NAALAD2: variants seen among roughly 807,000 people sequenced by gnomAD.
NAALAD2 encodes the protein N-acetylated-alpha-linked acidic dipeptidase 2.
In NAALAD2, 89 loss-of-function variants were observed where a neutral mutation model predicts 95.6. That is an observed-to-expected ratio of 0.93 (90% CI 0.78 to 1.11). The LOEUF (loss-of-function observed/expected upper bound fraction) is 1.11. Among genes scored for constraint, NAALAD2 ranks in the 50% least tolerant of loss-of-function variants. The pLI, the probability that NAALAD2 is intolerant of heterozygous loss-of-function variation, is 0.00. For synonymous variants in NAALAD2, 264 were observed against 294.4 expected, an observed-to-expected ratio of 0.90 and a Z score of 1.06; for missense variants, 894 against 872.4, an observed-to-expected ratio of 1.02 and a Z score of -0.31.
chr11:90,175,391 CATT>C (rs1952759670), intron 14 of NAALAD2, among the ~76,000 whole-genome samples: 1 of 151,982 alleles, frequency 6.6e-6, no homozygotes, highest in South Asian at 2.1e-4. Context: ...CATGACTTAC[CATT>C]ATTTTACTAA....
At position 90,162,988 on chromosome 11, in the gene NAALAD2, A is replaced by C. The variant is rs1952338854; in HGVS notation, c.1029A>C (p.Thr343=). The change falls in exon 9 of 19, where the codon ACA becomes ACC. Residue 343 remains threonine (T), a synonymous_variant. Coordinates refer to ENST00000534061, the MANE Select transcript of NAALAD2 (RefSeq NM_005467.4). ...RMHVYNINKI[T]RIYNVVGTIR... is the part of the protein sequence containing the mutation. ...ATGTTTATAACATCAATAAAATTACAAGGATTTACAATGTAGTTGGAACTA... is the reference window on the plus strand; with the variant it reads ...ATGTTTATAACATCAATAAAATTACCAGGATTTACAATGTAGTTGGAACTA... 6.4e-7 allele frequency: 1 copy of C among 1,571,810 alleles called. No individual in the cohort carries two copies. Among genetic ancestry groups the C allele is most frequent in the Non-Finnish European group, 8.7e-7 (1 of 1,153,130 alleles).
At chr11:90,134,542 C>T (rs1951406384), upstream of NAALAD2, 2 of 546,810 alleles carry the variant, frequency 3.7e-6, no homozygotes, top group South Asian at 4.6e-5. Flanking sequence ...TGCCCGCCAA[C>T]AGGAAGAATG....
chr11:90,156,873 T>C (rs915567054), intron 6 of NAALAD2, among the ~76,000 whole-genome samples: 3 of 152,184 alleles, frequency 2.0e-5, no homozygotes, highest in Non-Finnish European at 4.4e-5. Context: ...TGACCCATGG[T>C]TTATTTATAA....
intron 2 of NAALAD2, among the ~76,000 whole-genome samples, chr11:90,141,345 C>G (rs74742089): frequency 0.044 from 6,668 of 152,252 alleles, 182 homozygotes; most frequent in Middle Eastern, 0.11. Context: ...TATGTCCAGT[C>G]TTCTATTACA....
At chr11:90,161,798 T>C (rs1293725220) in intron 8 of NAALAD2, among the ~76,000 whole-genome samples, 1 of 152,138 alleles carries the variant, frequency 6.6e-6, no homozygotes, top group African/African-American at 2.4e-5. Flanking sequence ...GAATTTGGGT[T>C]TCTTACTAAT....
At position 90,162,792 on chromosome 11, in the gene NAALAD2, C is replaced by A. The variant is rs543849057; in HGVS notation, c.990-157C>A. ...CTTGCAAATGCTTCAACAGTGTTAA[C>A]AATTATTGAATTTAGGTGGTAGAGA... On this transcript the variant is annotated intron_variant, in intron 8 of 18. Coordinates refer to ENST00000534061, the MANE Select transcript of NAALAD2 (RefSeq NM_005467.4). 9.2e-4 allele frequency: 436 copies of A among 475,968 alleles called. 3 individuals are homozygous for A. Among genetic ancestry groups the A allele is most frequent in the Non-Finnish European group, 1.3e-3 (349 of 266,170 alleles). The allele number at this position is 475,968 out of a possible 1,614,324, so 29.5% of individuals were successfully genotyped here.
chr11:90,179,521 G>T, intron 16 of NAALAD2, among the ~76,000 whole-genome samples: 1 of 151,876 alleles, frequency 6.6e-6, no homozygotes, highest in Middle Eastern at 3.2e-3. Flanking sequence ...AGTAATAATA[G>T]CAAATACTAT....
intron 6 of NAALAD2, among the ~76,000 whole-genome samples, chr11:90,152,783 A>G (rs2186605): frequency 0.13 from 20,257 of 152,034 alleles, 1,537 homozygotes; most frequent in South Asian, 0.2. Context: ...ACAAATGACA[A>G]TTTAGGTTTG....
intron 2 of NAALAD2, among the ~76,000 whole-genome samples, chr11:90,136,303 T>G (rs1389199096): frequency 6.6e-6 from 1 of 152,326 alleles, no homozygotes; most frequent in Middle Eastern, 3.4e-3. Flanking sequence ...TAGTGAAGTA[T>G]AATTTACATA....
intron 1 of NAALAD2, among the ~76,000 whole-genome samples, 169 bp from the exon 2 acceptor site, chr11:90,135,390 T>G (rs765865866): frequency 2.6e-5 from 4 of 152,170 alleles, no homozygotes; most frequent in Non-Finnish European, 4.4e-5. Flanking sequence ...ATATCAGAAT[T>G]TACAGGTTTT....
At chr11:90,134,218 G>T (rs1004044871), upstream of NAALAD2, among the ~76,000 whole-genome samples, 1 of 152,132 alleles carries the variant, frequency 6.6e-6, no homozygotes, top group Non-Finnish European at 1.5e-5. Context: ...ACAAAAAAAC[G>T]CAATCCCATC....
chr11:90,153,786 T>G (rs10830423), intron 6 of NAALAD2, among the ~76,000 whole-genome samples: 20,292 of 152,056 alleles, frequency 0.13, 1,542 homozygotes, highest in South Asian at 0.2. Flanking sequence ...GTCAGATTTA[T>G]CCACAAACAT....
At chr11:90,167,316 G>A (rs192198680) in intron 11 of NAALAD2, among the ~76,000 whole-genome samples, 573 of 152,320 alleles carry the variant, frequency 3.8e-3, no homozygotes, top group African/African-American at 0.013. Flanking sequence ...GGGCAGTAAG[G>A]GGCTTAGCGC....
At chr11:90,176,536 T>C (rs1175063673) in intron 15 of NAALAD2, among the ~76,000 whole-genome samples, 2 of 152,192 alleles carry the variant, frequency 1.3e-5, no homozygotes, top group Non-Finnish European at 2.9e-5. Context: ...GGTTGGGAAA[T>C]AAAGCAAGTT....
intron 14 of NAALAD2, among the ~76,000 whole-genome samples, chr11:90,175,655 T>C (rs1952768173): frequency 6.6e-6 from 1 of 152,186 alleles, no homozygotes; most frequent in South Asian, 2.1e-4. Flanking sequence ...ATGCTGAAGA[T>C]ATGATGGAGA....
chr11:90,138,647 T>C (rs911960525), intron 2 of NAALAD2, among the ~76,000 whole-genome samples: 1 of 151,356 alleles, frequency 6.6e-6, no homozygotes, highest in Admixed American at 6.6e-5. Flanking sequence ...CATCAAATCG[T>C]CTTCTGTTAA....
At position 90,158,138 on chromosome 11, in the gene NAALAD2, T is replaced by A; in HGVS notation, c.797-7T>A. ...TTGTTTTCATTTTATGCATTTGATT[T>A]TTTTAGAATACACTTTCAGACTTGA... On this transcript the variant is annotated splice_polypyrimidine_tract_variant and splice_region_variant and intron_variant, in intron 6 of 18. Coordinates refer to ENST00000534061, the MANE Select transcript of NAALAD2 (RefSeq NM_005467.4). The A allele has an allele frequency of 6.3e-7, 1 of 1,591,900 alleles. No homozygotes were observed. The highest frequency in any genetic ancestry group is 8.6e-7 in the Non-Finnish European group (1 of 1,164,282).
intron 12 of NAALAD2, 21 bp downstream of exon 12, chr11:90,169,013 A>C: frequency 6.3e-7 from 1 of 1,576,478 alleles, no homozygotes; most frequent in Non-Finnish European, 8.6e-7. Context: ...TTTCAATTTG[A>C]AGTGAAATTT....
chr11:90,132,480 T>C (rs1951367189), upstream of NAALAD2, among the ~76,000 whole-genome samples: 1 of 152,174 alleles, frequency 6.6e-6, no homozygotes, highest in African/African-American at 2.4e-5. Context: ...AATGGTCCAA[T>C]GGGTAGCAAA....
Sources: allele counts gnomAD v4.1 joint callset (sites outside exome capture counted in the v4.1 genomes callset), GRCh38; gene constraint gnomAD v4.1.1; transcripts MANE v1.5; gene names NCBI Gene and HGNC (gene_info 2026-07-23, HGNC 2026-07-21).